APOL6: variants seen among roughly 807,000 people sequenced by gnomAD.
APOL6 encodes apolipoprotein L, 6.
Under a neutral mutation model 2.4 loss-of-function variants are expected in APOL6, and 1 was observed. That is an observed-to-expected ratio of 0.41 (90% confidence interval 0.15 to 1.94). The LOEUF is 1.94. Among genes scored for constraint, APOL6 ranks in the 30% most tolerant of loss-of-function variants. The pLI is 0.30. For missense variants in APOL6, 438 were observed against 429.2 expected (o/e 1.02, Z -0.18); for synonymous variants, 189 against 169.3 (o/e 1.12, Z -0.90).
rs749797800 is a variant in APOL6 at position 35,659,142 on chromosome 22, C to A, written c.578C>A (p.Ala193Asp). The A allele has an allele frequency of 1.2e-6, 2 of 1,614,174 alleles. No individual in the cohort carries two copies. ...KNVRAFWKLR[A>D]NPRLANATKR... ...GTCCGTGCATTTTGGAAACTCAGAGCCAACCCACGCTTGGCCAATGCTACC... is the reference window on the plus strand; with the variant it reads ...GTCCGTGCATTTTGGAAACTCAGAGACAACCCACGCTTGGCCAATGCTACC... Residue 193 changes from alanine (A) to aspartate (D), a missense_variant, in exon 3 of 3, where the codon GCC becomes GAC. Coordinates refer to ENST00000409652, the MANE Select transcript of APOL6 (RefSeq NM_030641.4).
chr22:35,653,252 C>G (rs1276503177), intron 1 of APOL6, among the ~76,000 whole-genome samples: 1 of 152,144 alleles, frequency 6.6e-6, no homozygotes, highest in Non-Finnish European at 1.5e-5. Context: ...GATTTTGTAT[C>G]CCGAGACTTT....
Position 35,659,335 on chromosome 22 carries a change from G to T in APOL6, c.771G>T (p.Lys257Asn). The change falls in exon 3 of 3, where the codon AAG becomes AAT. Residue 257 changes from lysine (K) to asparagine (N), a missense_variant. By Grantham distance (94) the Lys-to-Asn change is moderately conservative. Transcript: ENST00000409652. ...YDLATLSKEWKHLKEGARTKF... is the reference protein window; with the variant it reads ...YDLATLSKEWNHLKEGARTKF... ...TGGCCACTCTCTCAAAGGAATGGAA[G>T]CACCTGAAGGAAGGAGCAAGGACAA... is the stretch of plus-strand genomic sequence containing the variant. The T allele has an allele frequency of 6.2e-7, 1 of 1,614,076 alleles. No individual in the cohort carries two copies. Among genetic ancestry groups the T allele is most frequent in the Non-Finnish European group, 8.5e-7 (1 of 1,179,958 alleles).
rs148655812 is a variant in APOL6 at position 35,658,950 on chromosome 22, C to T, written c.386C>T (p.Thr129Met). ...AAGVTSIVSG[T>M]LERSKNKEAQ... ...GGGGTCACCAGCATCGTGAGTGGTACGTTGGAACGCTCCAAAAATAAAGAA... is the reference window on the plus strand; with the variant it reads ...GGGGTCACCAGCATCGTGAGTGGTATGTTGGAACGCTCCAAAAATAAAGAA... Residue 129 changes from threonine to methionine, a missense_variant, in exon 3 of 3, where the codon ACG becomes ATG. Thr to Met is a moderately conservative substitution (Grantham distance 81). Transcript: ENST00000409652. The T allele has an allele frequency of 9.4e-4, 1,511 of 1,613,860 alleles. 6 individuals are homozygous for T. Among genetic ancestry groups the T allele is most frequent in the Middle Eastern group, 3.5e-3 (21 of 6,062 alleles).
chr22:35,656,431 C>A lies in APOL6; in HGVS notation c.6C>A (p.Asp2Glu). Residue 2 changes from aspartate to glutamate, a missense_variant, in exon 2 of 3, where the codon GAC becomes GAA. Physicochemically the swap from Asp to Glu is conservative, Grantham distance 45. Transcript: ENST00000409652. ...ATTTGCTGCCACAGAGGCTGATGGA[C>A]AACCAGGCGGAGAGAGAAAGTGAGG... is the stretch of plus-strand genomic sequence containing the variant. M[D>E]NQAERESEAG... The A allele has an allele frequency of 6.2e-7, 1 of 1,614,066 alleles. No individual in the cohort carries two copies. Among genetic ancestry groups the A allele is most frequent in the Non-Finnish European group, 8.5e-7 (1 of 1,179,980 alleles).
Position 35,667,854 on chromosome 22 carries a change from A to G in APOL6, c.*8258A>G, listed in dbSNP as rs1052801590. The G allele has an allele frequency of 3.3e-5, 5 of 152,214 alleles. No homozygotes were observed. Among genetic ancestry groups the G allele is most frequent in the African/African-American group, 1.2e-4 (5 of 41,454 alleles). The allele number at this position is 152,214 out of a possible 1,614,324, so 9.4% of individuals were successfully genotyped here. On this transcript the variant is annotated 3_prime_UTR_variant, in exon 3 of 3. Coordinates refer to ENST00000409652, the MANE Select transcript of APOL6 (RefSeq NM_030641.4). ...TATGAGTTCAACTTTAGAGGGAGCC[A>G]TGGGGACTAAACAAAATTCTGAGGC... is the stretch of plus-strand genomic sequence containing the variant.
intron 1 of APOL6, among the ~76,000 whole-genome samples, 179 bp from the exon 2 acceptor site, chr22:35,656,200 T>A (rs1257270194): frequency 1.3e-5 from 2 of 152,256 alleles, no homozygotes; most frequent in African/African-American, 4.8e-5. Flanking sequence ...TTTCACTGTA[T>A]GCATTTATTG....
intron 1 of APOL6, among the ~76,000 whole-genome samples, chr22:35,650,238 T>C (rs1305229578): frequency 6.6e-6 from 1 of 152,240 alleles, no homozygotes; most frequent in Non-Finnish European, 1.5e-5. Flanking sequence ...AGAAGGTTTT[T>C]ATCTTTGAAG....
chr22:35,656,274 G>A (rs5995134), intron 1 of APOL6, 105 bp from the exon 2 acceptor site: 36,614 of 828,110 alleles, frequency 0.044, 2,126 homozygotes, highest in African/African-American at 0.21. Flanking sequence ...AGTATGCTAT[G>A]TGGTTGTTAT....
chr22:35,656,348 A>G, intron 1 of APOL6, 31 bp from the exon 2 acceptor site: 1 of 1,524,446 alleles, frequency 6.6e-7, no homozygotes, highest in Admixed American at 1.7e-5. Context: ...TCATATGTGC[A>G]GTAACGTTGT....
In APOL6 at chr22:35,667,028, G is replaced by C. The variant is rs1925204417; in HGVS notation, c.*7432G>C. The C allele has an allele frequency of 6.6e-6, 1 of 152,138 alleles. No homozygotes were observed. Among genetic ancestry groups the C allele is most frequent in the South Asian group, 2.1e-4 (1 of 4,820 alleles). 9.4% of individuals were successfully genotyped at this position (152,138 alleles called of 1,614,324 possible). On this transcript the variant is annotated 3_prime_UTR_variant, in exon 3 of 3. Transcript: ENST00000409652. ...GTAACAGGACACGATTGGAGAAATT[G>C]GTTGTTTTACTAAGACTTTGACTGG...
At position 35,658,815 on chromosome 22, in the gene APOL6, C is replaced by G. The variant is rs143660228; in HGVS notation, c.251C>G (p.Thr84Ser). The G allele has an allele frequency of 6.2e-7, 1 of 1,614,094 alleles. No homozygotes were observed. Among genetic ancestry groups the G allele is most frequent in the East Asian group, 2.2e-5 (1 of 44,888 alleles). ...FTKANMVATSTAVISGVMSLL... is the reference protein window; with the variant it reads ...FTKANMVATSSAVISGVMSLL... ...AAGGCTAACATGGTGGCCACCTCTA[C>G]TGCTGTCATCTCTGGAGTGATGAGC... is the stretch of plus-strand genomic sequence containing the variant. Residue 84 changes from threonine to serine, a missense_variant, in exon 3 of 3, where the codon ACT becomes AGT. Coordinates refer to ENST00000409652, the MANE Select transcript of APOL6 (RefSeq NM_030641.4).
rs1287186558 is a variant in APOL6, at chr22:35,660,970, G to A, written c.*1374G>A. 6.6e-6 allele frequency: 1 copy of A among 152,112 alleles called. No individual in the cohort carries two copies. The highest frequency in any genetic ancestry group is 6.5e-5 in the Admixed American group (1 of 15,274). The allele number at this position is 152,112 out of a possible 1,614,324, so 9.4% of individuals were successfully genotyped here. A position where few individuals can be genotyped will look rare whatever the true frequency, so the allele number is the denominator to read the frequency against. ...AAAAGCATATACATTTTTTAATGTGGGCCAGATGGCAGAAGCTTAAATAAC... is the reference window on the plus strand; with the variant it reads ...AAAAGCATATACATTTTTTAATGTGAGCCAGATGGCAGAAGCTTAAATAAC... On this transcript the variant is annotated 3_prime_UTR_variant, in exon 3 of 3. Coordinates refer to ENST00000409652, the MANE Select transcript of APOL6 (RefSeq NM_030641.4).
At position 35,664,641 on chromosome 22, in the gene APOL6, ATAAC is replaced by A. The variant is rs535212008; in HGVS notation, c.*5048_*5051del. 13 of 152,348 alleles carry A rather than the reference ATAAC, an allele frequency of 8.5e-5. No homozygotes were observed. Among genetic ancestry groups the A allele is most frequent in the South Asian group, 4.1e-4 (2 of 4,830 alleles). The allele number at this position is 152,348 out of a possible 1,614,324, so 9.4% of individuals were successfully genotyped here. On this transcript the variant is annotated 3_prime_UTR_variant, in exon 3 of 3. Coordinates refer to ENST00000409652, the MANE Select transcript of APOL6 (RefSeq NM_030641.4). ...ATAATCTAGGTAAACAATTAATAAA[ATAAC>A]TAGGTAAATGTAATGGGATAAATAC...
chr22:35,650,531 G>A (rs189367688), intron 1 of APOL6, among the ~76,000 whole-genome samples: 2 of 152,168 alleles, frequency 1.3e-5, no homozygotes, highest in South Asian at 2.1e-4. Flanking sequence ...TATGGTGAGC[G>A]TAAGGTGGAT....
At chr22:35,651,355 G>A (rs1016579441) in intron 1 of APOL6, among the ~76,000 whole-genome samples, 16 of 152,086 alleles carry the variant, frequency 1.1e-4, no homozygotes, top group African/African-American at 2.7e-4. Context: ...CTCTGTCTGC[G>A]TGCAGCCTTC....
chr22:35,658,194 A>T (rs1020450231), intron 2 of APOL6, among the ~76,000 whole-genome samples: 1 of 151,322 alleles, frequency 6.6e-6, no homozygotes, highest in Non-Finnish European at 1.5e-5. Context: ...CCTGCCCACC[A>T]CCTTGTCTTC....
rs772269044 is a variant in APOL6 at position 35,659,283 on chromosome 22, T to A, written c.719T>A (p.Met240Lys). ...AATGCTCGCGTGCTGGGAGGTGTGA[T>A]GTCCGCCTTCTCCCTTGGCTATGAC... The part of the protein sequence containing the change: ...TKNARVLGGV[M>K]SAFSLGYDLA... The change falls in exon 3 of 3, where the codon ATG becomes AAG. Residue 240 changes from methionine to lysine, a missense_variant. Met to Lys is a moderately conservative substitution (Grantham distance 95). Transcript: ENST00000409652. 1 of 1,614,182 alleles carries A rather than the reference T, an allele frequency of 6.2e-7. No homozygotes were observed. The highest frequency in any genetic ancestry group is 1.1e-5 in the South Asian group (1 of 91,090).
Position 35,666,910 on chromosome 22 carries a change from G to C in APOL6, c.*7314G>C, listed in dbSNP as rs1234976634. The C allele has an allele frequency of 6.6e-6, 1 of 152,166 alleles. No homozygotes were observed. The highest frequency in any genetic ancestry group is 1.5e-5 in the Non-Finnish European group (1 of 68,030). 9.4% of individuals were successfully genotyped at this position (152,166 alleles called of 1,614,324 possible). On this transcript the variant is annotated 3_prime_UTR_variant, in exon 3 of 3. Transcript: ENST00000409652. ...GGAGCATATTTGTTTCTCTCTACCT[G>C]ATTTCTCCAGAATTCAGAAACTATT...
Position 35,664,924 on chromosome 22 carries a change from A to C in APOL6, c.*5328A>C, listed in dbSNP as rs1183914529. 1 of 151,814 alleles carries C rather than the reference A, an allele frequency of 6.6e-6. No homozygotes were observed. Among genetic ancestry groups the C allele is most frequent in the Non-Finnish European group, 1.5e-5 (1 of 67,904 alleles). 9.4% of individuals were successfully genotyped at this position (151,814 alleles called of 1,614,324 possible). On this transcript the variant is annotated 3_prime_UTR_variant, in exon 3 of 3. Coordinates refer to ENST00000409652, the MANE Select transcript of APOL6 (RefSeq NM_030641.4). ...GTAAATAAAGTTATAAAAATAAAGA[A>C]TTTTTTCAAGGTTAAAAAGCTGAAA...
Sources: allele counts gnomAD v4.1 joint callset (sites outside exome capture counted in the v4.1 genomes callset), GRCh38; gene constraint gnomAD v4.1.1; transcripts MANE v1.5; gene names NCBI Gene and HGNC (gene_info 2026-07-23, HGNC 2026-07-21).